The following DCAF12 variants were observed in gnomAD, a reference collection of about 807,000 sequenced individuals.
DCAF12 encodes DDB1 and CUL4 associated factor 12.
In DCAF12, 28 loss-of-function variants were observed where a neutral mutation model predicts 52.8. The observed-to-expected ratio is 0.53, with a 90% confidence interval of 0.39 to 0.73. The LOEUF (loss-of-function observed/expected upper bound fraction) is 0.73. DCAF12 is among the 30% of genes least tolerant of loss of function. The pLI, the probability that DCAF12 is intolerant of heterozygous loss-of-function variation, is 0.00. For synonymous variants in DCAF12, 196 were observed against 215.5 expected, an observed-to-expected ratio of 0.91 and a Z score of 0.79; for missense variants, 425 against 552.2, an observed-to-expected ratio of 0.77 and a Z score of 2.31.
chr9:34,102,504 T>G (rs576009545), intron 4 of DCAF12, among the ~76,000 whole-genome samples: 1 of 151,492 alleles, frequency 6.6e-6, no homozygotes, highest in Admixed American at 6.6e-5. Flanking sequence ...CTACTAAAAA[T>G]ACAAAAATTA....
intron 7 of DCAF12, chr9:34,089,822 T>C: frequency 1.0e-5 from 4 of 396,626 alleles, no homozygotes; most frequent in Non-Finnish European, 1.3e-5. Context: ...CCAAGAAGCC[T>C]TGGAAAAGTG....
At chr9:34,115,325 C>T (rs1829068107) in intron 2 of DCAF12, among the ~76,000 whole-genome samples, 1 of 151,846 alleles carries the variant, frequency 6.6e-6, no homozygotes, top group South Asian at 2.1e-4. Context: ...GGCGCGGTGG[C>T]TCACACCTGT....
chr9:34,100,837 AT>A (rs1828817675), intron 4 of DCAF12, among the ~76,000 whole-genome samples: 1 of 151,424 alleles, frequency 6.6e-6, no homozygotes, highest in East Asian at 1.9e-4. Flanking sequence ...TGGAGTCTCG[AT>A]TTGTTGCCAA....
chr9:34,124,825 G>A (rs1234316974), intron 2 of DCAF12, among the ~76,000 whole-genome samples, 198 bp downstream of exon 2: 1 of 152,154 alleles, frequency 6.6e-6, no homozygotes, highest in Non-Finnish European at 1.5e-5. Context: ...CTCCTTTGAG[G>A]ACTTATCAGA....
At chr9:34,093,200 C>A in intron 7 of DCAF12, 86 bp downstream of exon 7, 1 of 1,510,540 alleles carries the variant, frequency 6.6e-7, no homozygotes, top group South Asian at 1.2e-5. Context: ...GAGCACTATA[C>A]CTGTTTGGAA....
chr9:34,125,209 G>A lies in DCAF12; in HGVS notation c.147C>T (p.Tyr49=). 1 of 1,614,214 alleles carries A rather than the reference G, an allele frequency of 6.2e-7. No homozygotes were observed. Among genetic ancestry groups the A allele is most frequent in the Non-Finnish European group, 8.5e-7 (1 of 1,180,044 alleles). The change falls in exon 2 of 9, where the codon TAC becomes TAT. Residue 49 remains tyrosine (Y), a synonymous_variant. Coordinates refer to ENST00000361264, the MANE Select transcript of DCAF12 (RefSeq NM_015397.4). ...GTAGCCTGACTTCCCGGTTCTTCAAGTAGTATACTAAGGATCTCTTCACAG... is the reference window on the plus strand; with the variant it reads ...GTAGCCTGACTTCCCGGTTCTTCAAATAGTATACTAAGGATCTCTTCACAG... ...LPPVKRSLVY[Y]LKNREVRLQN...
rs772776180 is a variant in DCAF12 at position 34,096,746 on chromosome 9, A to G, written c.831T>C (p.His277=). 48 of 1,614,024 alleles carry G rather than the reference A, an allele frequency of 3.0e-5. No homozygotes were observed. Among genetic ancestry groups the G allele is most frequent in the South Asian group, 1.1e-4 (10 of 91,092 alleles). The change falls in exon 6 of 9, where the codon CAT becomes CAC. Residue 277 remains histidine (H), a synonymous_variant. Transcript: ENST00000361264. ...ATAGTGTATTTTCAGCCTTCCAGAG[A>G]TGAAAGTAGCCATCCAGAGACACTG... ...LGAVSLDGYF[H]LWKAENTLSK...
At chr9:34,125,631 C>T (rs1389709885) in intron 1 of DCAF12, 3 of 475,374 alleles carry the variant, frequency 6.3e-6, no homozygotes, top group Non-Finnish European at 4.3e-6. Flanking sequence ...TCTACCCAGC[C>T]CCCTTCTCCC....
intron 2 of DCAF12, among the ~76,000 whole-genome samples, chr9:34,120,796 A>G (rs1241064617): frequency 6.6e-6 from 1 of 152,082 alleles, no homozygotes; most frequent in East Asian, 1.9e-4. Context: ...AGACAAGGCC[A>G]CTCTGCAACT....
intron 4 of DCAF12, among the ~76,000 whole-genome samples, chr9:34,101,972 T>C (rs373271009): frequency 5.4e-5 from 8 of 148,136 alleles, no homozygotes; most frequent in African/African-American, 2.0e-4. Context: ...GCTGAAATTG[T>C]GCCACAGACT....
At chr9:34,100,491 C>A (rs972083439) in intron 4 of DCAF12, among the ~76,000 whole-genome samples, 4 of 149,772 alleles carry the variant, frequency 2.7e-5, no homozygotes, top group African/African-American at 9.8e-5. Context: ...AGACACCACG[C>A]CCAGCTTCTT....
At chr9:34,126,060 T>A (rs1413490123) in intron 1 of DCAF12, among the ~76,000 whole-genome samples, 2 of 152,100 alleles carry the variant, frequency 1.3e-5, no homozygotes, top group East Asian at 3.9e-4. Context: ...TTAACTTCGG[T>A]TTCCCCTTCC....
chr9:34,105,929 T>C (rs1828897432), intron 4 of DCAF12, among the ~76,000 whole-genome samples: 1 of 151,878 alleles, frequency 6.6e-6, no homozygotes, highest in Non-Finnish European at 1.5e-5. Flanking sequence ...TTTGTACTTT[T>C]AGTAGAGACA....
Position 34,087,093 on chromosome 9 carries a change from T to A in DCAF12, c.*1257A>T. 1 of 152,152 alleles carries A rather than the reference T, an allele frequency of 6.6e-6. No individual in the cohort carries two copies. Among genetic ancestry groups the A allele is most frequent in the African/African-American group, 2.4e-5 (1 of 41,434 alleles). The allele number at this position is 152,152 out of a possible 1,614,324, so 9.4% of individuals were successfully genotyped here. A position where few individuals can be genotyped will look rare whatever the true frequency, so the allele number is the denominator to read the frequency against. ...AAGGGAGGAACAGACAAATTACTAA[T>A]CACATTGATGCTGTCACATGCACAA... On this transcript the variant is annotated 3_prime_UTR_variant, in exon 9 of 9. Coordinates refer to ENST00000361264, the MANE Select transcript of DCAF12 (RefSeq NM_015397.4).
intron 3 of DCAF12, 150 bp downstream of exon 3, chr9:34,107,209 G>A (rs1828916818): frequency 2.8e-6 from 2 of 709,740 alleles, no homozygotes; most frequent in Admixed American, 2.3e-5. Flanking sequence ...GGCCCCTGAG[G>A]TGTGCTGCTT....
At chr9:34,091,334 C>T (rs538667961) in intron 7 of DCAF12, among the ~76,000 whole-genome samples, 12 of 151,806 alleles carry the variant, frequency 7.9e-5, no homozygotes, top group Non-Finnish European at 1.3e-4. Flanking sequence ...TCAACAACAA[C>T]AACAACAAAA....
At chr9:34,103,094 CCAAAAAA>C (rs1564097218) in intron 4 of DCAF12, among the ~76,000 whole-genome samples, 2 of 48,630 alleles carry the variant, frequency 4.1e-5, no homozygotes, top group Non-Finnish European at 4.4e-5. Flanking sequence ...GACCTTAACT[CCAAAAAA>C]AAAAAAAAAA....
chr9:34,111,716 A>G (rs1829006020), intron 2 of DCAF12, among the ~76,000 whole-genome samples: 1 of 152,158 alleles, frequency 6.6e-6, no homozygotes, highest in South Asian at 2.1e-4. Flanking sequence ...ATCAGTCCAA[A>G]GGCTAGATTG....
rs534272590 is a variant in DCAF12, at chr9:34,107,966, T to C, written c.334-401A>G. Among the ~76,000 whole-genome samples, 20 of 152,292 alleles carry C rather than the reference T, an allele frequency of 1.3e-4. No individual in the cohort carries two copies. The South Asian group carries it at 4.1e-3, about 32-fold the overall frequency. On this transcript the variant is annotated intron_variant, in intron 2 of 8. Coordinates refer to ENST00000361264, the MANE Select transcript of DCAF12 (RefSeq NM_015397.4). ...ACAGAAACTTTTAAACGAAACACAA[T>C]TCCCAGAACACATCATGGCTACTAA...
Sources: gnomAD v4.1 joint callset for allele counts (sites outside exome capture counted in the v4.1 genomes callset) on GRCh38, gnomAD v4.1.1 for gene constraint, MANE v1.5 for transcripts, NCBI Gene and HGNC (gene_info 2026-07-23, HGNC 2026-07-21) for gene names.